The following ZNF726 variants were observed in gnomAD, a reference collection of about 807,000 sequenced individuals.
The protein encoded by ZNF726 is zinc finger protein 726.
Under a neutral mutation model 11.6 loss-of-function variants are expected in ZNF726, and 15 were observed. The ratio of observed to expected loss-of-function variants is 1.29; its 90% CI spans 0.86 to 1.99. ZNF726 has a LOEUF of 1.99. Ranked by LOEUF, ZNF726 falls within the 30% of genes most tolerant of loss-of-function variation. The pLI, the probability that ZNF726 is intolerant of heterozygous loss-of-function variation, is 0.00. For missense variants in ZNF726, 890 were observed against 725.6 expected (o/e 1.23, Z -2.60); for synonymous variants, 295 against 243.6 (o/e 1.21, Z -1.96).
chr19:23,939,430 A>T (rs1445359312), downstream of ZNF726, among the ~76,000 whole-genome samples: 3 of 152,068 alleles, frequency 2.0e-5, no homozygotes, highest in African/African-American at 7.2e-5. Context: ...GGAAATATGG[A>T]TGTTCAAGTT....
At chr19:23,918,628 C>T (rs1321825263) in intron 1 of ZNF726, among the ~76,000 whole-genome samples, 1 of 152,174 alleles carries the variant, frequency 6.6e-6, no homozygotes, top group Non-Finnish European at 1.5e-5. Context: ...TCCATAAGCT[C>T]TCTTACAGAA....
intron 3 of ZNF726, 79 bp from the exon 4 acceptor site, chr19:23,932,264 A>G (rs990129301): frequency 8.5e-5 from 93 of 1,100,190 alleles, no homozygotes; most frequent in Non-Finnish European, 1.0e-4. Flanking sequence ...TGTAGGTTGT[A>G]TAATTTTATA....
intron 3 of ZNF726, among the ~76,000 whole-genome samples, chr19:23,927,617 C>A (rs893708580): frequency 3.3e-5 from 5 of 152,096 alleles, no homozygotes; most frequent in African/African-American, 1.2e-4. Flanking sequence ...TCAGTGTCTC[C>A]AGTAGTTGGG....
Position 23,932,965 on chromosome 19 carries a change from ACC to A in ZNF726, c.851_852del (p.Pro284LeufsTer4). 1 of 1,612,206 alleles carries A rather than the reference ACC, an allele frequency of 6.2e-7. No individual in the cohort carries two copies. The highest frequency in any genetic ancestry group is 8.5e-7 in the Non-Finnish European group (1 of 1,179,746). ...IHKRIHTGEK[P>X]CKCEECGKAF... Reference sequence around the variant, plus strand: ...ATAAGAGGATACATACTGGAGAGAAACCCTGCAAATGTGAAGAATGTGGCAAA... The same window carrying A: ...ATAAGAGGATACATACTGGAGAGAAACTGCAAATGTGAAGAATGTGGCAAA... On this transcript the variant is annotated frameshift_variant, in exon 4 of 4. Coordinates refer to ENST00000594466, the MANE Select transcript of ZNF726 (RefSeq NM_001244038.2). LOFTEE classifies it low-confidence loss of function (END_TRUNC).
intron 2 of ZNF726, 162 bp from the exon 3 acceptor site, chr19:23,919,825 A>C (rs1967797500): frequency 2.1e-6 from 1 of 485,450 alleles, no homozygotes; most frequent in Admixed American, 4.4e-5. Context: ...AGAACCTACA[A>C]AATTAAAATA....
intron 3 of ZNF726, among the ~76,000 whole-genome samples, chr19:23,931,423 A>C (rs970450992): frequency 2.0e-5 from 3 of 152,034 alleles, no homozygotes; most frequent in Non-Finnish European, 4.4e-5. Flanking sequence ...GATTTTCCAT[A>C]CTTGTCTCTG....
intron 1 of ZNF726, among the ~76,000 whole-genome samples, chr19:23,916,530 T>C (rs568699172): frequency 3.3e-4 from 50 of 152,204 alleles, no homozygotes; most frequent in African/African-American, 1.2e-3. Context: ...GGGGTTTCAC[T>C]ATGTTGGCCA....
Position 23,933,259 on chromosome 19 carries a change from C to T in ZNF726, c.1143C>T (p.Pro381=), listed in dbSNP as rs1301536602. The T allele has an allele frequency of 1.9e-6, 3 of 1,613,072 alleles. No individual in the cohort carries two copies. Among genetic ancestry groups the T allele is most frequent in the East Asian group, 4.5e-5 (2 of 44,848 alleles). The change falls in exon 4 of 4, where the codon CCC becomes CCT. Residue 381 remains proline, a synonymous_variant. Transcript: ENST00000594466. ...AATGTGGCAAAGCATTTATATGGCC[C>T]TCAACCCTAACTAAACATAAGAGGA... ...CEECGKAFIW[P]STLTKHKRIH...
At chr19:23,937,330 CCCT>C (rs1968258097), downstream of ZNF726, among the ~76,000 whole-genome samples, 1 of 151,732 alleles carries the variant, frequency 6.6e-6, no homozygotes, top group African/African-American at 2.4e-5. Flanking sequence ...CGGGCGGAGA[CCCT>C]CCTCACTTCC....
At chr19:23,930,640 G>A (rs781110163) in intron 3 of ZNF726, among the ~76,000 whole-genome samples, 6 of 151,926 alleles carry the variant, frequency 3.9e-5, no homozygotes, top group Non-Finnish European at 5.9e-5. Context: ...GTGTAAGTTT[G>A]TTGTGAATGG....
intron 3 of ZNF726, among the ~76,000 whole-genome samples, chr19:23,939,543 G>A (rs890649542): frequency 6.6e-6 from 1 of 152,256 alleles, no homozygotes; most frequent in South Asian, 2.1e-4. Context: ...ATACCCAGTG[G>A]TGAGATTGCT....
In ZNF726 at chr19:23,934,054, A is replaced by G; in HGVS notation, c.*87A>G. ...ATAAGAGGATGCACACTGGAGAGAA[A>G]CCCTACAAATGTGAAGAATGTGAAA... On this transcript the variant is annotated 3_prime_UTR_variant, in exon 4 of 4. Coordinates refer to ENST00000594466, the MANE Select transcript of ZNF726 (RefSeq NM_001244038.2). 2.7e-6 allele frequency: 4 copies of G among 1,471,330 alleles called. No homozygotes were observed. Among genetic ancestry groups the G allele is most frequent in the Non-Finnish European group, 2.8e-6 (3 of 1,056,202 alleles). 91.1% of individuals were successfully genotyped at this position (1,471,330 alleles called of 1,614,324 possible).
chr19:23,928,776 T>G (rs1968042152), intron 3 of ZNF726: 3 of 152,180 alleles, frequency 2.0e-5, no homozygotes, highest in African/African-American at 7.2e-5. Flanking sequence ...ATTTTTTCTT[T>G]TTATAATTTC....
intron 1 of ZNF726, among the ~76,000 whole-genome samples, chr19:23,918,607 T>C (rs553354941): frequency 1.3e-5 from 2 of 152,334 alleles, no homozygotes; most frequent in South Asian, 4.1e-4. Flanking sequence ...CCTAGTGCAG[T>C]TGATGTTAAT....
downstream of ZNF726, among the ~76,000 whole-genome samples, chr19:23,938,348 T>C (rs916223899): frequency 6.6e-6 from 1 of 152,128 alleles, no homozygotes; most frequent in African/African-American, 2.4e-5. Context: ...TTTGAAACTA[T>C]TTTTAGCCAA....
intron 3 of ZNF726, chr19:23,923,652 C>A (rs374824664): frequency 1.2e-5 from 2 of 169,866 alleles, no homozygotes. Flanking sequence ...CCCGCCTCGG[C>A]CTCCCAAAGT....
At chr19:23,922,826 G>A (rs530205355) in intron 3 of ZNF726, among the ~76,000 whole-genome samples, 4 of 152,200 alleles carry the variant, frequency 2.6e-5, no homozygotes, top group African/African-American at 9.6e-5. Context: ...TTTCATTACA[G>A]GTGTGAACCA....
chr19:23,938,892 C>A (rs1968292115), downstream of ZNF726, among the ~76,000 whole-genome samples: 1 of 152,062 alleles, frequency 6.6e-6, no homozygotes, highest in African/African-American at 2.4e-5. Context: ...CAGGTGTGAG[C>A]CACCGTGCCT....
rs781403557 is a variant in ZNF726 at position 23,933,417 on chromosome 19, T to C, written c.1301T>C (p.Phe434Ser). Residue 434 changes from phenylalanine to serine, a missense_variant, in exon 4 of 4, where the codon TTT (phenylalanine) becomes TCT (serine). Coordinates refer to ENST00000594466, the MANE Select transcript of ZNF726 (RefSeq NM_001244038.2). ...AAGTGTGAAGAATGCGGCAAAGCGT[T>C]TATATGGTCCTCAAACCTTACTGAA... ...PYKCEECGKAFIWSSNLTEHK... is the reference protein window; with the variant it reads ...PYKCEECGKASIWSSNLTEHK... The C allele has an allele frequency of 5.0e-5, 81 of 1,612,318 alleles. No individual in the cohort carries two copies. The highest frequency in any genetic ancestry group is 6.8e-5 in the Non-Finnish European group (80 of 1,179,574).
Sources: gnomAD v4.1 joint callset for allele counts (sites outside exome capture counted in the v4.1 genomes callset) on GRCh38, gnomAD v4.1.1 for gene constraint, MANE v1.5 for transcripts, NCBI Gene and HGNC (gene_info 2026-07-23, HGNC 2026-07-21) for gene names.